PIK3AP1: variants seen among roughly 807,000 people sequenced by gnomAD.
PIK3AP1 encodes phosphoinositide-3-kinase adaptor protein 1, also known as phosphoinositide 3-kinase adapter protein 1.
Under a neutral mutation model 88.1 loss-of-function variants are expected in PIK3AP1, and 21 were observed. The ratio of observed to expected loss-of-function variants is 0.24; its 90% CI spans 0.17 to 0.34. The LOEUF is 0.34. Ranked by LOEUF, PIK3AP1 falls within the 10% of genes least tolerant of loss-of-function variation. The probability of loss-of-function intolerance (pLI) is 1.00; values close to 1 mark genes in which losing one functional copy is unlikely to be tolerated. For missense variants in PIK3AP1, 828 were observed against 1,035.7 expected, an observed-to-expected ratio of 0.80 and a Z score of 2.75; for synonymous variants, 398 against 400.0, an observed-to-expected ratio of 1.00 and a Z score of 0.06.
intron 2 of PIK3AP1, among the ~76,000 whole-genome samples, chr10:96,688,659 G>A (rs542556516): frequency 6.6e-5 from 10 of 152,130 alleles, no homozygotes; most frequent in East Asian, 1.9e-4. Flanking sequence ...ATTAGCTGGC[G>A]TAGTGGCACA....
At chr10:96,700,837 C>T in intron 2 of PIK3AP1, 1 of 985,622 alleles carries the variant, frequency 1.0e-6, no homozygotes, top group Non-Finnish European at 1.2e-6. Context: ...CAGAGCGCAG[C>T]AACTTCCCCT....
chr10:96,701,884 T>C (rs1844302672), intron 2 of PIK3AP1, among the ~76,000 whole-genome samples: 1 of 152,224 alleles, frequency 6.6e-6, no homozygotes, highest in African/African-American at 2.4e-5. Context: ...TTTTTTCTTC[T>C]TTAACATTAT....
At chr10:96,688,575 G>A (rs553022078) in intron 2 of PIK3AP1, among the ~76,000 whole-genome samples, 1 of 152,274 alleles carries the variant, frequency 6.6e-6, no homozygotes, top group South Asian at 2.1e-4. Context: ...GAGGCAGGTG[G>A]ATTACTTGAG....
At chr10:96,625,896 G>A (rs1031449959) in intron 10 of PIK3AP1, among the ~76,000 whole-genome samples, 11 of 152,030 alleles carry the variant, frequency 7.2e-5, no homozygotes, top group Non-Finnish European at 1.5e-4. Flanking sequence ...CTCAGTGCGG[G>A]CCATCACACC....
chr10:96,699,098 C>T (rs745358473), intron 2 of PIK3AP1, among the ~76,000 whole-genome samples: 12 of 151,896 alleles, frequency 7.9e-5, no homozygotes, highest in Admixed American at 5.2e-4. Flanking sequence ...ACAGGAGAAT[C>T]GCTTGAACCC....
intron 13 of PIK3AP1, among the ~76,000 whole-genome samples, chr10:96,613,927 C>T (rs1253819852): frequency 1.3e-5 from 2 of 152,210 alleles, no homozygotes; most frequent in Non-Finnish European, 2.9e-5. Flanking sequence ...TTTTGCAAAG[C>T]AGGACTGAGG....
chr10:96,710,696 A>G (rs563350365), intron 1 of PIK3AP1, among the ~76,000 whole-genome samples: 100 of 152,316 alleles, frequency 6.6e-4, no homozygotes, highest in South Asian at 2.7e-3. Context: ...TTCCAAGCAC[A>G]TTGCCTACTA....
At chr10:96,626,037 CCCT>C (rs1438035269) in intron 10 of PIK3AP1, among the ~76,000 whole-genome samples, 1 of 152,144 alleles carries the variant, frequency 6.6e-6, no homozygotes, top group African/African-American at 2.4e-5. Context: ...TATGAGCCAC[CCCT>C]CCTCCTATTT....
In PIK3AP1 at chr10:96,720,047, T is replaced by C. The variant is rs1251178420; in HGVS notation, c.13+335A>G. 6.6e-6 allele frequency among the ~76,000 whole-genome samples: 1 copy of C among 152,064 alleles called. No individual in the cohort carries two copies. Among genetic ancestry groups the C allele is most frequent in the Non-Finnish European group, 1.5e-5 (1 of 68,002 alleles). ...CCACATCGCCCGCCCTCCGCTTCTC[T>C]CAACTCGCCTCTCGCTTCAGAGTCG... is the stretch of plus-strand genomic sequence containing the variant. On this transcript the variant is annotated intron_variant, in intron 1 of 16. Coordinates refer to ENST00000339364, the MANE Select transcript of PIK3AP1 (RefSeq NM_152309.3). The surrounding 1 kb of genome is among the most constrained non-coding windows in gnomAD (Gnocchi z 4.6).
chr10:96,632,361 ACT>A (rs953479175), intron 8 of PIK3AP1, among the ~76,000 whole-genome samples: 1 of 152,012 alleles, frequency 6.6e-6, no homozygotes, highest in Non-Finnish European at 1.5e-5. Flanking sequence ...GTATGTAAGA[ACT>A]CTGATGTTTT....
chr10:96,656,005 C>G (rs574333125), intron 3 of PIK3AP1, among the ~76,000 whole-genome samples: 1 of 152,212 alleles, frequency 6.6e-6, no homozygotes, highest in Non-Finnish European at 1.5e-5. Flanking sequence ...ACGGCCTCAG[C>G]CTGCACAAAA....
At chr10:96,643,274 A>G (rs1175427370) in intron 8 of PIK3AP1, among the ~76,000 whole-genome samples, 1 of 152,220 alleles carries the variant, frequency 6.6e-6, no homozygotes, top group Non-Finnish European at 1.5e-5. Context: ...ATGGTGTTGG[A>G]TAACAATTTC....
chr10:96,638,009 A>G (rs894337909), intron 8 of PIK3AP1, among the ~76,000 whole-genome samples: 5 of 152,096 alleles, frequency 3.3e-5, no homozygotes, highest in Non-Finnish European at 7.4e-5. Context: ...TGGGCTACGT[A>G]CTTTGGACTT....
intron 8 of PIK3AP1, among the ~76,000 whole-genome samples, chr10:96,639,122 T>C (rs946817427): frequency 4.6e-5 from 7 of 152,114 alleles, no homozygotes; most frequent in African/African-American, 1.7e-4. Flanking sequence ...AAAGGCAGCT[T>C]GTAGTGACCA....
chr10:96,626,289 T>G (rs982257319), intron 10 of PIK3AP1, among the ~76,000 whole-genome samples: 21 of 152,246 alleles, frequency 1.4e-4, no homozygotes, highest in Admixed American at 1.1e-3. Context: ...CTGTAAAACC[T>G]CTATTTCCTC....
intron 2 of PIK3AP1, among the ~76,000 whole-genome samples, chr10:96,687,063 T>C (rs2134269191): frequency 6.6e-6 from 1 of 152,016 alleles, no homozygotes; most frequent in Admixed American, 6.5e-5. Flanking sequence ...GAGACCATCC[T>C]GGCTAATACG....
intron 2 of PIK3AP1, among the ~76,000 whole-genome samples, chr10:96,706,726 C>G (rs1307988827): frequency 2.6e-5 from 4 of 152,150 alleles, no homozygotes; most frequent in Non-Finnish European, 5.9e-5. Context: ...CTGGTCAATG[C>G]TCTTTTTTCT....
At chr10:96,614,223 C>G (rs79334428) in intron 13 of PIK3AP1, among the ~76,000 whole-genome samples, 1 of 152,098 alleles carries the variant, frequency 6.6e-6, no homozygotes, top group Non-Finnish European at 1.5e-5. Flanking sequence ...CTGGGTGCAA[C>G]GCCAAATCAC....
intron 14 of PIK3AP1, 130 bp downstream of exon 14, chr10:96,609,582 A>T (rs1849066917): frequency 5.7e-6 from 6 of 1,054,968 alleles, no homozygotes; most frequent in Non-Finnish European, 8.1e-6. Context: ...CCCACCTTTT[A>T]TACCTCTCAA....
Sources: gnomAD v4.1 joint callset for allele counts (sites outside exome capture counted in the v4.1 genomes callset) on GRCh38, gnomAD v4.1.1 for gene constraint, Gnocchi (gnomAD v3.1) non-coding constraint, MANE v1.5 for transcripts, NCBI Gene and HGNC (gene_info 2026-07-23, HGNC 2026-07-21) for gene names.